The following CPNE5 variants were observed in gnomAD, a reference collection of about 807,000 sequenced individuals.
CPNE5 encodes the protein copine 5, also known as copine-5.
CPNE5 carries 42 observed loss-of-function variants against 81.1 expected under a neutral mutation model. That is an observed-to-expected ratio of 0.52 (90% CI 0.40 to 0.67). CPNE5 has a LOEUF of 0.67. Among genes scored for constraint, CPNE5 ranks in the 30% least tolerant of loss-of-function variants. CPNE5 has a pLI of 0.00. For synonymous variants in CPNE5, 313 were observed against 321.5 expected (o/e 0.97, Z 0.28); for missense variants, 612 against 815.5 (o/e 0.75, Z 3.04).
chr6:36,778,844 G>A lies in CPNE5; in HGVS notation c.632+10C>T. 6.4e-7 allele frequency: 1 copy of A among 1,568,758 alleles called. No homozygotes were observed. Among genetic ancestry groups the A allele is most frequent in the Non-Finnish European group, 8.8e-7 (1 of 1,140,184 alleles). ...AAGGTGCAGTGCACAAGTGTCCCCA[G>A]AAAACTCACGTTCCATCCTCGTTGC... On this transcript the variant is annotated intron_variant, in intron 9 of 20. Transcript: ENST00000244751.
At chr6:36,828,210 C>T (rs1772670953) in intron 1 of CPNE5, among the ~76,000 whole-genome samples, 1 of 150,430 alleles carries the variant, frequency 6.6e-6, no homozygotes, top group South Asian at 2.1e-4. Context: ...GTCTTAGCTA[C>T]TCGGGACTCC....
At chr6:36,808,753 C>T (rs236397) in intron 3 of CPNE5, among the ~76,000 whole-genome samples, 24,651 of 152,238 alleles carry the variant, frequency 0.16, 2,305 homozygotes, top group Admixed American at 0.27. Context: ...CTGCGTGCCA[C>T]GCACTAAGTG....
intron 3 of CPNE5, among the ~76,000 whole-genome samples, chr6:36,802,801 G>C (rs1330813666): frequency 6.6e-6 from 1 of 152,146 alleles, no homozygotes; most frequent in Non-Finnish European, 1.5e-5. Flanking sequence ...TGTAATCCCA[G>C]CACTTTGGGA....
intron 3 of CPNE5, among the ~76,000 whole-genome samples, chr6:36,814,317 G>A (rs749615945): frequency 1.7e-4 from 26 of 152,302 alleles, no homozygotes; most frequent in Middle Eastern, 6.8e-3. Context: ...GCATAACCAA[G>A]ATGCTGAATG....
chr6:36,811,619 G>T (rs546402544), intron 3 of CPNE5, among the ~76,000 whole-genome samples: 1 of 152,298 alleles, frequency 6.6e-6, no homozygotes, highest in East Asian at 1.9e-4. Context: ...CAGCCACCAG[G>T]GGACCTGGCC....
intron 7 of CPNE5, among the ~76,000 whole-genome samples, chr6:36,793,431 A>G (rs1451391640): frequency 6.6e-6 from 1 of 152,190 alleles, no homozygotes; most frequent in Non-Finnish European, 1.5e-5. Context: ...CTGGTCCTCC[A>G]TGGTAGTAAA....
At chr6:36,786,171 G>C (rs1220517873) in intron 8 of CPNE5, among the ~76,000 whole-genome samples, 1 of 152,126 alleles carries the variant, frequency 6.6e-6, no homozygotes, top group Admixed American at 6.5e-5. Context: ...AAAGGAATCA[G>C]CACTCCAGTA....
chr6:36,742,675 A>G, intron 20 of CPNE5, 189 bp from the exon 21 acceptor site: 1 of 982,832 alleles, frequency 1.0e-6, no homozygotes, highest in Non-Finnish European at 1.2e-6. Context: ...CAGTAACTAT[A>G]GTCATAGTCA....
At position 36,742,725 on chromosome 6, in the gene CPNE5, C is replaced by T. The variant is rs187051183; in HGVS notation, c.1564-239G>A. On this transcript the variant is annotated intron_variant, in intron 20 of 20. Coordinates refer to ENST00000244751, the MANE Select transcript of CPNE5 (RefSeq NM_020939.2). Reference sequence around the variant, plus strand: ...ACTCGACAAAAACTGAGCCCTATTCCACACCAGGACACACCACTGAACACG... The same window carrying T: ...ACTCGACAAAAACTGAGCCCTATTCTACACCAGGACACACCACTGAACACG... The T allele has an allele frequency of 8.1e-6, 8 of 985,378 alleles. No homozygotes were observed. In the Admixed American group the frequency reaches 4.9e-4, roughly 61 times the overall value. 61.0% of individuals were successfully genotyped at this position (985,378 alleles called of 1,614,324 possible). A position where few individuals can be genotyped will look rare whatever the true frequency, so the allele number is the denominator to read the frequency against.
chr6:36,810,580 G>A (rs1221277639), intron 3 of CPNE5, among the ~76,000 whole-genome samples: 1 of 152,226 alleles, frequency 6.6e-6, no homozygotes, highest in African/African-American at 2.4e-5. Context: ...TGAGATCTGG[G>A]GACAGGAAAG....
At chr6:36,745,668 G>C (rs1321907574) in intron 16 of CPNE5, among the ~76,000 whole-genome samples, 153 bp from the exon 17 acceptor site, 4 of 152,106 alleles carry the variant, frequency 2.6e-5, no homozygotes, top group Non-Finnish European at 5.9e-5. Flanking sequence ...GGAGCTCCCA[G>C]GGCCCATCCT....
At chr6:36,816,964 G>T (rs941832303) in intron 3 of CPNE5, among the ~76,000 whole-genome samples, 9 of 152,106 alleles carry the variant, frequency 5.9e-5, no homozygotes, top group Non-Finnish European at 5.9e-5. Flanking sequence ...TTTTCAGTAG[G>T]GACGGGTCTT....
chr6:36,832,171 T>C (rs1420055765), intron 1 of CPNE5, among the ~76,000 whole-genome samples: 1 of 152,208 alleles, frequency 6.6e-6, no homozygotes, highest in East Asian at 1.9e-4. Context: ...CCACTGTCCA[T>C]TGACCGTAGG....
At chr6:36,777,753 ACC>A (rs35760836) in intron 9 of CPNE5, among the ~76,000 whole-genome samples, 17,133 of 113,354 alleles carry the variant, frequency 0.15, 1,619 homozygotes, top group Middle Eastern at 0.25. Context: ...TCCCCTGCCT[ACC>A]CCCCCCCCCA....
intron 8 of CPNE5, among the ~76,000 whole-genome samples, chr6:36,791,080 C>T (rs979512769): frequency 1.3e-5 from 2 of 152,130 alleles, no homozygotes; most frequent in Non-Finnish European, 2.9e-5. Flanking sequence ...CCCAGGGTAG[C>T]CCAGGCTTTG....
chr6:36,815,558 G>C (rs1258151197), intron 3 of CPNE5, among the ~76,000 whole-genome samples: 1 of 152,216 alleles, frequency 6.6e-6, no homozygotes, highest in East Asian at 1.9e-4. Context: ...CTGGTGCCTT[G>C]ATATTGGACT....
chr6:36,805,923 G>T (rs1770551459), intron 3 of CPNE5, among the ~76,000 whole-genome samples: 1 of 152,334 alleles, frequency 6.6e-6, no homozygotes, highest in Middle Eastern at 3.4e-3. Context: ...CTTCTTTGGG[G>T]ACTAAATTAG....
At chr6:36,806,175 A>G (rs2150547558) in intron 3 of CPNE5, among the ~76,000 whole-genome samples, 1 of 152,250 alleles carries the variant, frequency 6.6e-6, no homozygotes, top group Non-Finnish European at 1.5e-5. Flanking sequence ...GCCTGGGCTG[A>G]TACGGAGGCT....
intron 12 of CPNE5, among the ~76,000 whole-genome samples, chr6:36,761,317 A>G (rs1766006177): frequency 2.0e-5 from 3 of 152,230 alleles, no homozygotes; most frequent in South Asian, 2.1e-4. Flanking sequence ...TCCACACTCC[A>G]TCTTCACAAT....
Sources: allele counts gnomAD v4.1 joint callset (sites outside exome capture counted in the v4.1 genomes callset), GRCh38; gene constraint gnomAD v4.1.1; transcripts MANE v1.5; gene names NCBI Gene and HGNC (gene_info 2026-07-23, HGNC 2026-07-21).